COG6: variants seen among roughly 807,000 people sequenced by gnomAD.
COG6 encodes the protein component of oligomeric golgi complex 6.
A neutral mutation model predicts 88.8 loss-of-function variants in COG6; 74 were observed. The observed-to-expected ratio is 0.83, with a 90% CI of 0.69 to 1.01. The LOEUF (loss-of-function observed/expected upper bound fraction) is 1.01, where lower values mean the gene tolerates loss of function less well. Ranked by LOEUF, COG6 falls within the 50% of genes least tolerant of loss-of-function variation. The probability of loss-of-function intolerance (pLI) is 0.00; values close to 1 mark genes in which losing one functional copy is unlikely to be tolerated. For missense variants in COG6, 800 were observed against 797.9 expected, an observed-to-expected ratio of 1.00 and a Z score of -0.03; for synonymous variants, 286 against 278.7, an observed-to-expected ratio of 1.03 and a Z score of -0.26.
intron 11 of COG6, among the ~76,000 whole-genome samples, chr13:39,691,169 A>G (rs1057206323): frequency 3.3e-5 from 5 of 151,780 alleles, no homozygotes; most frequent in African/African-American, 1.2e-4. Flanking sequence ...AATTTTATAA[A>G]TACTATAATT....
At chr13:39,727,350 AG>A (rs1425225062) in intron 17 of COG6, 118 bp from the exon 18 acceptor site, 1 of 764,722 alleles carries the variant, frequency 1.3e-6, no homozygotes, top group East Asian at 2.6e-5. Flanking sequence ...ACAACAATCT[AG>A]TTATTTAGAG....
chr13:39,716,268 A>G (rs1878524706), intron 13 of COG6, among the ~76,000 whole-genome samples: 1 of 151,890 alleles, frequency 6.6e-6, no homozygotes, highest in Non-Finnish European at 1.5e-5. Flanking sequence ...TTTTGTTTTA[A>G]AGTCTGTTTT....
intron 13 of COG6, among the ~76,000 whole-genome samples, chr13:39,704,313 A>G (rs879014730): frequency 1.3e-5 from 2 of 152,192 alleles, no homozygotes; most frequent in African/African-American, 2.4e-5. Context: ...TCGACTCTCA[A>G]AATCTAACTG....
intron 18 of COG6, among the ~76,000 whole-genome samples, chr13:39,744,188 T>A (rs1880209403): frequency 6.6e-6 from 1 of 152,148 alleles, no homozygotes. Context: ...CTTTGAAAAC[T>A]GGCACAAGAC....
At chr13:39,660,714 A>T in intron 2 of COG6, 96 bp from the exon 3 acceptor site, 1 of 845,626 alleles carries the variant, frequency 1.2e-6, no homozygotes, top group Non-Finnish European at 2.0e-6. Context: ...CCAAAAAAAT[A>T]AAAAATTATG....
At chr13:39,679,952 T>G (rs369033454) in intron 6 of COG6, 23 bp from the exon 7 acceptor site, 29 of 1,282,994 alleles carry the variant, frequency 2.3e-5, no homozygotes, top group Non-Finnish European at 3.3e-5. Context: ...AAGTTTAAAT[T>G]ATAATCATTA....
chr13:39,719,282 A>G lies in COG6; in HGVS notation c.1331A>G (p.Gln444Arg). 3.1e-6 allele frequency: 5 copies of G among 1,612,900 alleles called. No individual in the cohort carries two copies. The highest frequency in any genetic ancestry group is 4.2e-6 in the Non-Finnish European group (5 of 1,179,188). ...PDLGPSSALN[Q>R]TLMLLREVLA... ...CTTGGACCAAGTTCTGCACTAAATCAGACACTCATGTTGCTGCGTGAAGTT... is the reference window on the plus strand; with the variant it reads ...CTTGGACCAAGTTCTGCACTAAATCGGACACTCATGTTGCTGCGTGAAGTT... The change falls in exon 14 of 19, where the codon CAG becomes CGG. Residue 444 changes from glutamine to arginine, a missense_variant. Physicochemically the swap from Gln to Arg is conservative, Grantham distance 43 (BLOSUM62 1). Coordinates refer to ENST00000455146, the MANE Select transcript of COG6 (RefSeq NM_020751.3).
intron 13 of COG6, among the ~76,000 whole-genome samples, chr13:39,706,070 A>G (rs1043452298): frequency 6.6e-5 from 10 of 151,624 alleles, no homozygotes; most frequent in African/African-American, 2.2e-4. Context: ...TTGCAGTCCT[A>G]AATTTATCTT....
At chr13:39,680,307 A>G (rs1261522073) in intron 7 of COG6, among the ~76,000 whole-genome samples, 3 of 152,256 alleles carry the variant, frequency 2.0e-5, no homozygotes, top group Non-Finnish European at 4.4e-5. Flanking sequence ...AGCACCAGCT[A>G]TCAGCCAAGC....
chr13:39,694,587 GT>G (rs1877157163), intron 11 of COG6, 46 bp from the exon 12 acceptor site: 1 of 1,200,890 alleles, frequency 8.3e-7, no homozygotes, highest in Admixed American at 1.7e-5. Flanking sequence ...ATGAAAAAAA[GT>G]TATACTTTTA....
chr13:39,752,767 G>A (rs1023207164), downstream of COG6: 2 of 727,756 alleles, frequency 2.7e-6, no homozygotes, highest in African/African-American at 1.9e-5. Flanking sequence ...GAAAAATGTG[G>A]TATATATGAT....
chr13:39,668,112 G>A (rs1055089317), intron 4 of COG6, among the ~76,000 whole-genome samples: 11 of 91,944 alleles, frequency 1.2e-4, no homozygotes, highest in African/African-American at 3.2e-4. Flanking sequence ...TACGATTCAT[G>A]TATCCACACC....
At position 39,719,721 on chromosome 13, in the gene COG6, G is replaced by T. The variant is rs1275224517; in HGVS notation, c.1478G>T (p.Gly493Val). The change falls in exon 15 of 19, where the codon GGC becomes GTC. Residue 493 changes from glycine to valine, a missense_variant. Coordinates refer to ENST00000455146, the MANE Select transcript of COG6 (RefSeq NM_020751.3). ...QMCTVSASNLGTADMATFMVN... is the reference protein window; with the variant it reads ...QMCTVSASNLVTADMATFMVN... ...TGTACTGTATCAGCCAGCAATTTAG[G>T]CACAGCTGACATGGCCACTTTCATG... is the stretch of plus-strand genomic sequence containing the variant. 1.2e-6 allele frequency: 2 copies of T among 1,612,260 alleles called. No homozygotes were observed. The highest frequency in any genetic ancestry group is 1.7e-6 in the Non-Finnish European group (2 of 1,178,758).
At chr13:39,773,909 C>A (rs1881389495) in intron 18 of COG6, among the ~76,000 whole-genome samples, 1 of 146,662 alleles carries the variant, frequency 6.8e-6, no homozygotes. Context: ...TAAATACTGA[C>A]CAAAATAAAC....
intron 18 of COG6, among the ~76,000 whole-genome samples, chr13:39,768,573 C>T (rs113378495): frequency 3.3e-5 from 5 of 152,200 alleles, no homozygotes; most frequent in African/African-American, 1.2e-4. Context: ...GATGTTTTTT[C>T]TTTTTAGTCA....
chr13:39,772,239 CT>C (rs1393960245), intron 18 of COG6, among the ~76,000 whole-genome samples: 1 of 152,226 alleles, frequency 6.6e-6, no homozygotes, highest in Non-Finnish European at 1.5e-5. Flanking sequence ...AGTTGTCAAA[CT>C]TTTCCTGATT....
intron 18 of COG6, among the ~76,000 whole-genome samples, chr13:39,764,170 C>A (rs1328799882): frequency 6.6e-6 from 1 of 151,752 alleles, no homozygotes; most frequent in Non-Finnish European, 1.5e-5. Context: ...TTCATCTAAC[C>A]GTTTTTGTCA....
chr13:39,700,229 A>G, intron 13 of COG6, among the ~76,000 whole-genome samples: 1 of 151,888 alleles, frequency 6.6e-6, no homozygotes, highest in East Asian at 1.9e-4. Flanking sequence ...TGAGTTTTTC[A>G]AGGATGTGTC....
intron 18 of COG6, among the ~76,000 whole-genome samples, chr13:39,765,746 C>CT (rs1223645043): frequency 6.6e-6 from 1 of 152,096 alleles, no homozygotes; most frequent in Admixed American, 6.6e-5. Context: ...ATGTAAAACT[C>CT]TGAGTTTGGT....
Sources: gnomAD v4.1 joint callset for allele counts (sites outside exome capture counted in the v4.1 genomes callset) on GRCh38, gnomAD v4.1.1 for gene constraint, MANE v1.5 for transcripts, NCBI Gene and HGNC (gene_info 2026-07-23, HGNC 2026-07-21) for gene names.